DISC1: variants seen among roughly 807,000 people sequenced by gnomAD.
DISC1 encodes the protein disrupted in schizophrenia 1 protein.
Under a neutral mutation model 84.5 loss-of-function variants are expected in DISC1, and 57 were observed. That is an observed-to-expected ratio of 0.67 (90% CI 0.55 to 0.84). The LOEUF (loss-of-function observed/expected upper bound fraction) is 0.84. Among genes scored for constraint, DISC1 ranks in the 40% least tolerant of loss-of-function variants. The pLI is 0.00. For missense variants in DISC1, 1,000 were observed against 1,057.8 expected, an observed-to-expected ratio of 0.95 and a Z score of 0.76; for synonymous variants, 411 against 415.2, an observed-to-expected ratio of 0.99 and a Z score of 0.12.
chr1:231,795,527 C>G (rs1327014589), intron 7 of DISC1, among the ~76,000 whole-genome samples: 1 of 152,146 alleles, frequency 6.6e-6, no homozygotes, highest in Non-Finnish European at 1.5e-5. Flanking sequence ...GCCTTTGCTA[C>G]AAAAGGAGCT....
chr1:231,918,664 T>G (rs571311757), intron 9 of DISC1, among the ~76,000 whole-genome samples: 1 of 152,350 alleles, frequency 6.6e-6, no homozygotes, highest in East Asian at 1.9e-4. Flanking sequence ...GTACTCTCAG[T>G]TAGGAGAAAA....
intron 11 of DISC1, among the ~76,000 whole-genome samples, chr1:232,022,112 G>A (rs1033751727): frequency 6.6e-6 from 1 of 152,132 alleles, no homozygotes; most frequent in Non-Finnish European, 1.5e-5. Flanking sequence ...GGCCATCCAG[G>A]TTTAACAGGA....
intron 10 of DISC1, among the ~76,000 whole-genome samples, chr1:231,970,320 T>C (rs776411047): frequency 1.2e-4 from 19 of 152,348 alleles, no homozygotes; most frequent in South Asian, 6.2e-4. Flanking sequence ...TATCTCATTG[T>C]GGTTTTGATT....
intron 6 of DISC1, among the ~76,000 whole-genome samples, chr1:231,776,607 CG>C (rs1178688021): frequency 6.6e-6 from 1 of 152,160 alleles, no homozygotes; most frequent in East Asian, 1.9e-4. Context: ...GGCTCCCTGG[CG>C]GGGGGCACTG....
intron 10 of DISC1, among the ~76,000 whole-genome samples, chr1:231,985,456 T>G (rs922268902): frequency 2.6e-5 from 4 of 152,294 alleles, no homozygotes; most frequent in African/African-American, 9.6e-5. Context: ...CAGTTAACGT[T>G]TTCCTGCCAT....
At chr1:231,846,427 A>G (rs1332099574) in intron 9 of DISC1, among the ~76,000 whole-genome samples, 1 of 152,208 alleles carries the variant, frequency 6.6e-6, no homozygotes, top group African/African-American at 2.4e-5. Context: ...TACTTTTTCT[A>G]TAATTTCTGC....
At chr1:231,859,148 A>G (rs999665897) in intron 9 of DISC1, among the ~76,000 whole-genome samples, 3 of 152,072 alleles carry the variant, frequency 2.0e-5, no homozygotes, top group Non-Finnish European at 4.4e-5. Flanking sequence ...TAATCCCCCC[A>G]CCAAAAAAAA....
At chr1:231,635,656 T>C (rs1294206442) in intron 1 of DISC1, among the ~76,000 whole-genome samples, 2 of 152,238 alleles carry the variant, frequency 1.3e-5, no homozygotes, top group Admixed American at 1.3e-4. Context: ...TAGGATGTAT[T>C]AATCCAATGC....
At chr1:231,660,470 A>T (rs1094654) in intron 1 of DISC1, among the ~76,000 whole-genome samples, 71,305 of 150,842 alleles carry the variant, frequency 0.47, 17,394 homozygotes, top group East Asian at 0.82. Context: ...CCAAAAAAAA[A>T]ATATATATAT....
chr1:231,938,107 G>A (rs1399170241), intron 9 of DISC1, among the ~76,000 whole-genome samples: 2 of 152,052 alleles, frequency 1.3e-5, no homozygotes, highest in Admixed American at 6.5e-5. Context: ...CATGCCTGAT[G>A]TGGTAGGCAG....
At chr1:231,915,832 G>C (rs950132728) in intron 9 of DISC1, among the ~76,000 whole-genome samples, 1 of 152,206 alleles carries the variant, frequency 6.6e-6, no homozygotes, top group Non-Finnish European at 1.5e-5. Context: ...GGATGCAGAA[G>C]AGAAGGGATA....
At chr1:231,799,240 T>C (rs989976294) in intron 7 of DISC1, among the ~76,000 whole-genome samples, 1 of 152,140 alleles carries the variant, frequency 6.6e-6, no homozygotes, top group East Asian at 1.9e-4. Flanking sequence ...CACTGAGAGT[T>C]ACTTGTCTAT....
intron 1 of DISC1, among the ~76,000 whole-genome samples, chr1:231,690,427 G>A (rs200832500): frequency 2.0e-5 from 3 of 152,122 alleles, no homozygotes; most frequent in Non-Finnish European, 2.9e-5. Flanking sequence ...TTTCCTAACC[G>A]GGTCTCAAAA....
intron 9 of DISC1, among the ~76,000 whole-genome samples, chr1:231,901,012 T>C (rs1364088744): frequency 6.6e-6 from 1 of 152,154 alleles, no homozygotes; most frequent in Admixed American, 6.5e-5. Context: ...CAAGGCAATA[T>C]GGGAAGTGCA....
chr1:231,949,334 G>A (rs1020071556), intron 9 of DISC1, among the ~76,000 whole-genome samples: 6 of 152,218 alleles, frequency 3.9e-5, no homozygotes, highest in African/African-American at 1.4e-4. Flanking sequence ...GCCCAGTCAG[G>A]CATAGTGAGG....
intron 9 of DISC1, among the ~76,000 whole-genome samples, chr1:231,838,522 A>G (rs1413536991): frequency 6.6e-6 from 1 of 152,246 alleles, no homozygotes; most frequent in Non-Finnish European, 1.5e-5. Flanking sequence ...AAGGAGAACA[A>G]CTGTAGCAAG....
At chr1:231,973,498 T>C (rs536223313) in intron 10 of DISC1, among the ~76,000 whole-genome samples, 1 of 152,354 alleles carries the variant, frequency 6.6e-6, no homozygotes, top group Non-Finnish European at 1.5e-5. Context: ...GTCCTTCAAA[T>C]TGACCACATC....
At chr1:232,004,127 G>T (rs1667043849) in intron 10 of DISC1, among the ~76,000 whole-genome samples, 1 of 151,446 alleles carries the variant, frequency 6.6e-6, no homozygotes, top group Admixed American at 6.6e-5. Flanking sequence ...AATTTCAAAA[G>T]AGGAAAATAT....
chr1:231,958,813 C>CT lies in DISC1; in HGVS notation c.1982-8dup. 2.5e-6 allele frequency: 4 copies of CT among 1,611,864 alleles called. No homozygotes were observed. The highest frequency in any genetic ancestry group is 2.5e-6 in the Non-Finnish European group (3 of 1,179,068). On this transcript the variant is annotated splice_polypyrimidine_tract_variant and intron_variant, in intron 9 of 12. Transcript: ENST00000439617. ...TGCAGTTGCATTAACTTTGGATTTCCTTTTTTTCCCCCAGAAACAAGTGTG... is the reference window on the plus strand; with the variant it reads ...TGCAGTTGCATTAACTTTGGATTTCCTTTTTTTTCCCCCAGAAACAAGTGTG...
Sources: allele counts gnomAD v4.1 joint callset (sites outside exome capture counted in the v4.1 genomes callset), GRCh38; gene constraint gnomAD v4.1.1; transcripts MANE v1.5; gene names NCBI Gene and HGNC (gene_info 2026-07-23, HGNC 2026-07-21).